The following PRP4K variants were observed in gnomAD, a reference collection of about 807,000 sequenced individuals.
PRP4K encodes the protein pre-mRNA processing factor kinase PRP4K.
the PRP4K span, among the ~76,000 whole-genome samples, chr6:4,039,540 G>A: frequency 1.3e-5 from 2 of 152,134 alleles, no homozygotes; most frequent in African/African-American, 4.8e-5. Context: ...TTGGGGAGGG[G>A]ACTGTACCGA....
chr6:4,051,978 A>G, the PRP4K span: 397 of 1,587,518 alleles, frequency 2.5e-4, 1 homozygote, highest in Non-Finnish European at 3.2e-4. Flanking sequence ...GTTTAAAAGA[A>G]TTAGAGTTCT....
the PRP4K span, among the ~76,000 whole-genome samples, chr6:4,038,667 A>G: frequency 3.3e-5 from 5 of 151,968 alleles, no homozygotes; most frequent in African/African-American, 4.8e-5. Context: ...GTGATCCTGT[A>G]TGTATTCATT....
At chr6:4,044,710 C>T in the PRP4K span, among the ~76,000 whole-genome samples, 3 of 152,032 alleles carry the variant, frequency 2.0e-5, no homozygotes, top group Admixed American at 6.6e-5. Context: ...CTTTCTAGAA[C>T]AGGAACCAGC....
At chr6:4,021,386 G>T in the PRP4K span, 14 of 1,560,758 alleles carry the variant, frequency 9.0e-6, no homozygotes, top group South Asian at 7.1e-5. Context: ...CACCGTCCGG[G>T]AGCCGCCGCC....
the PRP4K span, chr6:4,064,765 T>A: frequency 6.6e-6 from 1 of 152,670 alleles, no homozygotes; most frequent in Non-Finnish European, 1.5e-5. Context: ...GATGTCATTA[T>A]GGCATCCTTA....
the PRP4K span, chr6:4,058,671 T>C: frequency 8.1e-7 from 1 of 1,236,994 alleles, no homozygotes; most frequent in Non-Finnish European, 1.2e-6. Context: ...TTAATTAAAT[T>C]GTTAGTAGGC....
At chr6:4,053,821 A>G in the PRP4K span, among the ~76,000 whole-genome samples, 4 of 152,334 alleles carry the variant, frequency 2.6e-5, no homozygotes, top group African/African-American at 9.6e-5. Flanking sequence ...CTGAAGACTA[A>G]AAGCTAAGCG....
the PRP4K span, among the ~76,000 whole-genome samples, chr6:4,056,062 G>A: frequency 6.6e-6 from 1 of 151,116 alleles, no homozygotes; most frequent in African/African-American, 2.5e-5. Context: ...TAAAAATGCA[G>A]TTGTTAAAAT....
chr6:4,047,988 T>A, the PRP4K span, among the ~76,000 whole-genome samples: 1 of 150,300 alleles, frequency 6.7e-6, no homozygotes, highest in Non-Finnish European at 1.5e-5. Flanking sequence ...TAGGAGAGGA[T>A]GAAATGAGTA....
the PRP4K span, chr6:4,061,952 C>T: frequency 6.6e-6 from 1 of 152,594 alleles, no homozygotes; most frequent in Non-Finnish European, 1.5e-5. Flanking sequence ...GCTGGTAAGT[C>T]AGGTAAACCA....
chr6:4,029,758 G>A, the PRP4K span, among the ~76,000 whole-genome samples: 1 of 151,996 alleles, frequency 6.6e-6, no homozygotes, highest in Non-Finnish European at 1.5e-5. Context: ...ACAAAACAGT[G>A]TCCCTGACCG....
chr6:4,064,819 A>G, the PRP4K span: 1 of 152,622 alleles, frequency 6.6e-6, no homozygotes, highest in East Asian at 1.9e-4. Context: ...ACTGTTCTGA[A>G]GAACCTTTCC....
chr6:4,060,281 T>A, the PRP4K span: 4 of 787,918 alleles, frequency 5.1e-6, no homozygotes, highest in Admixed American at 8.6e-5. This position sits in a 1 kb window ranked among gnomAD's most constrained non-coding sequence, Gnocchi z 4.7. Context: ...GCCCAAAATG[T>A]GCACTGTGTG....
the PRP4K span, chr6:4,037,460 T>C: frequency 6.2e-7 from 1 of 1,613,968 alleles, no homozygotes; most frequent in Non-Finnish European, 8.5e-7. Flanking sequence ...GCCCCATCAA[T>C]AGATGGTCTC....
At chr6:4,042,112 AT>A in the PRP4K span, among the ~76,000 whole-genome samples, 1 of 152,246 alleles carries the variant, frequency 6.6e-6, no homozygotes, top group African/African-American at 2.4e-5. Flanking sequence ...CGGTTCTGAC[AT>A]CCAGAAAAGG....
At chr6:4,032,257 G>A in the PRP4K span, 10 of 1,612,708 alleles carry the variant, frequency 6.2e-6, no homozygotes, top group South Asian at 2.2e-5. Context: ...CTTAGAAGGC[G>A]ATCTCAAGAG....
the PRP4K span, chr6:4,040,735 TA>T: frequency 2.5e-6 from 4 of 1,595,544 alleles, no homozygotes; most frequent in Non-Finnish European, 3.4e-6. Context: ...CTTTGACATT[TA>T]AAAAAATGTA....
At chr6:4,034,037 A>G in the PRP4K span, among the ~76,000 whole-genome samples, 2 of 152,198 alleles carry the variant, frequency 1.3e-5, no homozygotes, top group East Asian at 3.8e-4. Context: ...CTTACTTATT[A>G]AAGAGAAATC....
At chr6:4,044,863 A>ATTTTTT in the PRP4K span, among the ~76,000 whole-genome samples, 17 of 132,288 alleles carry the variant, frequency 1.3e-4, no homozygotes, top group South Asian at 7.0e-4. Flanking sequence ...TATTATTATT[A>ATTTTTT]TTTTTTTTTT....
Sources: allele counts gnomAD v4.1 joint callset (sites outside exome capture counted in the v4.1 genomes callset), GRCh38; gene constraint gnomAD v4.1.1; non-coding constraint Gnocchi (gnomAD v3.1); transcripts MANE v1.5; gene names NCBI Gene and HGNC (gene_info 2026-07-23, HGNC 2026-07-21).